ZNF326: variants seen among roughly 807,000 people sequenced by gnomAD.
ZNF326 encodes the protein zinc finger protein 326, also known as DBIRD complex subunit ZNF326.
In ZNF326, 30 loss-of-function variants were observed where a neutral mutation model predicts 63.1. The observed-to-expected ratio is 0.48, with a 90% CI of 0.36 to 0.64. The LOEUF is 0.64. Ranked by LOEUF, ZNF326 falls within the 30% of genes least tolerant of loss-of-function variation. The pLI, the probability that ZNF326 is intolerant of heterozygous loss-of-function variation, is 0.00. For missense variants in ZNF326, 609 were observed against 720.3 expected (o/e 0.85, Z 1.77); for synonymous variants, 194 against 228.2 (o/e 0.85, Z 1.35).
At chr1:90,009,580 T>C (rs2101067008) in intron 5 of ZNF326, among the ~76,000 whole-genome samples, 1 of 152,310 alleles carries the variant, frequency 6.6e-6, no homozygotes, top group Middle Eastern at 3.4e-3. Context: ...ATACTAATGT[T>C]CCATCTCGCC....
rs1338150732 is a variant in ZNF326 at position 90,030,044 on chromosome 1, T to G, written c.*2343T>G. 7 of 152,218 alleles carry G rather than the reference T, an allele frequency of 4.6e-5. No individual in the cohort carries two copies. The highest frequency in any genetic ancestry group is 2.9e-5 in the Non-Finnish European group (2 of 68,026). The allele number at this position is 152,218 out of a possible 1,614,324, so 9.4% of individuals were successfully genotyped here. A position where few individuals can be genotyped will look rare whatever the true frequency, so the allele number is the denominator to read the frequency against. ...TCTATTACAAAGTGAGATACATAGTTCTAAATAACCAAAGAAATTTATTTA... is the reference window on the plus strand; with the variant it reads ...TCTATTACAAAGTGAGATACATAGTGCTAAATAACCAAAGAAATTTATTTA... On this transcript the variant is annotated 3_prime_UTR_variant, in exon 12 of 12. Transcript: ENST00000340281.
chr1:90,012,032 G>A (rs1383062083), intron 6 of ZNF326, among the ~76,000 whole-genome samples: 4 of 151,976 alleles, frequency 2.6e-5, no homozygotes, highest in South Asian at 2.1e-4. Flanking sequence ...AGATGGTTTC[G>A]CCATGTTGGC....
chr1:90,027,605 G>T lies in ZNF326; in HGVS notation c.1653G>T (p.Glu551Asp), dbSNP rs1650080515. Residue 551 changes from glutamate to aspartate, a missense_variant, in exon 12 of 12, where the codon GAG (glutamate) becomes GAT (aspartate). Coordinates refer to ENST00000340281, the MANE Select transcript of ZNF326 (RefSeq NM_182976.4). ...AAGTAGGGGTAGTGGGAGAAGTAGAGGGAGTGGGGGAAGTAGAGGAAGTAG... is the reference window on the plus strand; with the variant it reads ...AAGTAGGGGTAGTGGGAGAAGTAGATGGAGTGGGGGAAGTAGAGGAAGTAG... ...GGEVGVVGEV[E>D]GVGEVEEVEE... 1.2e-6 allele frequency: 2 copies of T among 1,613,000 alleles called. No individual in the cohort carries two copies.
chr1:90,010,596 A>G (rs2101068667), intron 6 of ZNF326, among the ~76,000 whole-genome samples: 1 of 152,292 alleles, frequency 6.6e-6, no homozygotes, highest in East Asian at 1.9e-4. Context: ...CAACCAGTGA[A>G]TGGTAATGCC....
At chr1:90,004,798 C>CTTTTTTTTTTTTTTTTTTTT (rs34878438) in intron 2 of ZNF326, among the ~76,000 whole-genome samples, 3 of 68,114 alleles carry the variant, frequency 4.4e-5, no homozygotes, top group Non-Finnish European at 7.7e-5. Context: ...AATATCAGGG[C>CTTTTTTTTTTTTTTTTTTTT]TTTTTTTTTT....
chr1:90,001,509 A>G (rs1231591405), intron 2 of ZNF326, among the ~76,000 whole-genome samples: 3 of 151,712 alleles, frequency 2.0e-5, no homozygotes, highest in Non-Finnish European at 4.4e-5. Flanking sequence ...CCCACTCAAG[A>G]CTTAATGTCA....
chr1:90,009,503 A>G (rs1166775219), intron 5 of ZNF326, among the ~76,000 whole-genome samples: 1 of 152,154 alleles, frequency 6.6e-6, no homozygotes, highest in Non-Finnish European at 1.5e-5. Flanking sequence ...GGAACGTCAG[A>G]TGCAATTCTT....
In ZNF326 at chr1:90,008,848, A is replaced by G. The variant is rs553673365; in HGVS notation, c.615+1098A>G. Among the ~76,000 whole-genome samples, 228 of 152,306 alleles carry G rather than the reference A, an allele frequency of 1.5e-3. 1 individual carries two copies. The highest frequency in any genetic ancestry group is 5.3e-3 in the African/African-American group (220 of 41,576). Reference sequence around the variant, plus strand: ...TGCATTGCACCTTTAATGCGTAATTAAGGAAGATTTTCCTGTTGTGACTTT... The same window carrying G: ...TGCATTGCACCTTTAATGCGTAATTGAGGAAGATTTTCCTGTTGTGACTTT... On this transcript the variant is annotated intron_variant, in intron 5 of 11. Transcript: ENST00000340281.
rs1030290951 is a variant in ZNF326, at chr1:90,005,012, G to A, written c.71G>A (p.Arg24His). Residue 24 changes from arginine to histidine, a missense_variant, in exon 3 of 12, where the codon CGT (arginine) becomes CAT (histidine). By Grantham distance (29) the Arg-to-His change is conservative. Coordinates refer to ENST00000340281, the MANE Select transcript of ZNF326 (RefSeq NM_182976.4). ...NTYQGFNGMDRDYGPGSYGGM... is the reference protein window; with the variant it reads ...NTYQGFNGMDHDYGPGSYGGM... ...ATTGACTCTCTTTTAGGAATGGATC[G>A]TGATTATGGCCCTGGATCTTATGGA... 2.5e-5 allele frequency: 40 copies of A among 1,613,740 alleles called. No homozygotes were observed. Among genetic ancestry groups the A allele is most frequent in the Non-Finnish European group, 3.1e-5 (37 of 1,179,950 alleles).
At chr1:90,005,437 G>T (rs1648941678) in intron 4 of ZNF326, 193 bp downstream of exon 4, 2 of 1,310,268 alleles carry the variant, frequency 1.5e-6, no homozygotes, top group Non-Finnish European at 9.7e-7. Context: ...CGTTATTTTA[G>T]GAAAACACCA....
At position 90,035,063 on chromosome 1, in the gene ZNF326, A is replaced by T. The variant is rs1226193259; in HGVS notation, c.*7362A>T. 4.6e-5 allele frequency: 7 copies of T among 152,334 alleles called. No homozygotes were observed. The highest frequency in any genetic ancestry group is 1.7e-4 in the African/African-American group (7 of 41,588). The allele number at this position is 152,334 out of a possible 1,614,324, so 9.4% of individuals were successfully genotyped here. A position where few individuals can be genotyped will look rare whatever the true frequency, so the allele number is the denominator to read the frequency against. On this transcript the variant is annotated 3_prime_UTR_variant, in exon 12 of 12. Transcript: ENST00000340281. Reference sequence around the variant, plus strand: ...AAGATTGAACACATTCCAGATTTAAATTTTTCAGGCTGAGAATAGAATAAA... The same window carrying T: ...AAGATTGAACACATTCCAGATTTAATTTTTTCAGGCTGAGAATAGAATAAA...
At chr1:90,023,652 A>T (rs1649875693) in intron 11 of ZNF326, among the ~76,000 whole-genome samples, 1 of 152,340 alleles carries the variant, frequency 6.6e-6, no homozygotes, top group Admixed American at 6.5e-5. Flanking sequence ...GAAAAATTAG[A>T]TTTTTATTCT....
At chr1:90,020,224 G>A (rs377009616) in intron 9 of ZNF326, among the ~76,000 whole-genome samples, 42 of 152,074 alleles carry the variant, frequency 2.8e-4, no homozygotes, top group African/African-American at 1.0e-3. Context: ...GGCACATACA[G>A]CTCTTTATTA....
intron 11 of ZNF326, among the ~76,000 whole-genome samples, chr1:90,026,319 C>G (rs1443782440): frequency 6.6e-6 from 1 of 152,032 alleles, no homozygotes; most frequent in Non-Finnish European, 1.5e-5. Context: ...TTATTGCAGC[C>G]CTTTTTTCTA....
chr1:90,010,369 T>A, intron 6 of ZNF326, 83 bp downstream of exon 6: 1 of 1,373,870 alleles, frequency 7.3e-7, no homozygotes, highest in Non-Finnish European at 1.0e-6. Flanking sequence ...TTTTTCATGT[T>A]TATATACAGA....
intron 10 of ZNF326, among the ~76,000 whole-genome samples, chr1:90,021,765 C>A (rs1015972524): frequency 5.9e-5 from 9 of 152,128 alleles, no homozygotes. Flanking sequence ...TGAACACATA[C>A]AATCTTTTCT....
chr1:90,021,046 G>A (rs1336845990), intron 10 of ZNF326, 124 bp downstream of exon 10: 4 of 1,036,534 alleles, frequency 3.9e-6, no homozygotes, highest in Non-Finnish European at 5.6e-6. Flanking sequence ...GGAAATAACT[G>A]TAAGTATACT....
At chr1:90,021,020 T>C (rs939832257) in intron 10 of ZNF326, 98 bp downstream of exon 10, 16 of 1,246,598 alleles carry the variant, frequency 1.3e-5, no homozygotes, top group Non-Finnish European at 1.7e-5. Flanking sequence ...ATTTTATCAA[T>C]TTATCAATCT....
In ZNF326 at chr1:90,027,723, A is replaced by G. The variant is rs1650090407; in HGVS notation, c.*22A>G. 1.9e-6 allele frequency: 3 copies of G among 1,609,664 alleles called. No homozygotes were observed. Among genetic ancestry groups the G allele is most frequent in the Non-Finnish European group, 1.7e-6 (2 of 1,177,000 alleles). On this transcript the variant is annotated 3_prime_UTR_variant, in exon 12 of 12. Transcript: ENST00000340281. ...TTAAATATAAGGTATTAGATTTAAA[A>G]GGAGCTTTACATTTCGGTTCTAATG...
Sources: gnomAD v4.1 joint callset for allele counts (sites outside exome capture counted in the v4.1 genomes callset) on GRCh38, gnomAD v4.1.1 for gene constraint, MANE v1.5 for transcripts, NCBI Gene and HGNC (gene_info 2026-07-23, HGNC 2026-07-21) for gene names.